The following METTL22 variants were observed in gnomAD, a reference collection of about 807,000 sequenced individuals.
METTL22 encodes methyltransferase-like protein 22.
In METTL22, 51 loss-of-function variants were observed where a neutral mutation model predicts 48.4. That is an observed-to-expected ratio of 1.05 (90% CI 0.84 to 1.33). The LOEUF (loss-of-function observed/expected upper bound fraction) is 1.33, where lower values mean the gene tolerates loss of function less well. Ranked by LOEUF, METTL22 falls within the 40% of genes most tolerant of loss-of-function variation. The pLI is 0.00. For synonymous variants in METTL22, 255 were observed against 214.1 expected, an observed-to-expected ratio of 1.19 and a Z score of -1.67; for missense variants, 678 against 526.9, an observed-to-expected ratio of 1.29 and a Z score of -2.81.
rs923118323 is a variant in METTL22, at chr16:8,646,631, C to T, written c.*488C>T. The T allele has an allele frequency of 6.5e-6, 3 of 459,144 alleles. No homozygotes were observed. The highest frequency in any genetic ancestry group is 1.5e-5 in the South Asian group (1 of 64,580). The allele number at this position is 459,144 out of a possible 1,614,324, so 28.4% of individuals were successfully genotyped here. On this transcript the variant is annotated 3_prime_UTR_variant, in exon 11 of 11. Coordinates refer to ENST00000381920, the MANE Select transcript of METTL22 (RefSeq NM_024109.4). ...CTCCACCCCATCACTCTGGTGAGGG[C>T]CCCATGAGAAGGAAGAGGCAGGAGC...
At chr16:8,664,408 A>G in the METTL22 span, among the ~76,000 whole-genome samples, 1 of 151,686 alleles carries the variant, frequency 6.6e-6, no homozygotes, top group South Asian at 2.1e-4. Context: ...AGCCTCCCAA[A>G]GTGTTGGGAT....
the METTL22 span, among the ~76,000 whole-genome samples, chr16:8,658,147 A>C: frequency 6.6e-6 from 1 of 152,212 alleles, no homozygotes; most frequent in Admixed American, 6.5e-5. Flanking sequence ...AAGGAGAGGG[A>C]GATTTGAGAA....
chr16:8,638,995 G>T, intron 5 of METTL22, 96 bp from the exon 6 acceptor site: 2 of 1,204,096 alleles, frequency 1.7e-6, no homozygotes, highest in South Asian at 1.2e-5. Context: ...AATTTCTGCA[G>T]TTGTGCTGTT....
intron 3 of METTL22, among the ~76,000 whole-genome samples, chr16:8,634,453 C>A (rs922495241): frequency 6.6e-6 from 1 of 152,000 alleles, no homozygotes; most frequent in Admixed American, 6.6e-5. Context: ...GAATTTGATC[C>A]TATTAGGGTA....
At chr16:8,642,922 G>A (rs2056668510) in intron 9 of METTL22, 1 of 248,452 alleles carries the variant, frequency 4.0e-6, no homozygotes, top group South Asian at 6.8e-5. Flanking sequence ...CTTCCTGAAT[G>A]TTCTCTCTGT....
Position 8,635,203 on chromosome 16 carries a change from C to G in METTL22, c.591C>G (p.Ile197Met). 1 of 1,611,312 alleles carries G rather than the reference C, an allele frequency of 6.2e-7. No homozygotes were observed. Among genetic ancestry groups the G allele is most frequent in the Non-Finnish European group, 8.5e-7 (1 of 1,178,494 alleles). The stretch of plus-strand genomic sequence containing the variant: ...GCGCCCTGCTCCTGGCAGACTACAT[C>G]CTGTTCCGACAGGACCTCTTCCGAG... ...WRGALLLADY[I>M]LFRQDLFRGC... Residue 197 changes from isoleucine (I) to methionine (M), a missense_variant, in exon 5 of 11, where the codon ATC (isoleucine) becomes ATG (methionine). Transcript: ENST00000381920.
intron 6 of METTL22, among the ~76,000 whole-genome samples, chr16:8,640,291 CCT>C (rs1339564579): frequency 4.1e-4 from 62 of 152,146 alleles, no homozygotes; most frequent in African/African-American, 1.5e-3. Context: ...GACATGAGTT[CCT>C]CTCTCTCCTC....
At chr16:8,661,623 C>A in the METTL22 span, among the ~76,000 whole-genome samples, 1 of 101,968 alleles carries the variant, frequency 9.8e-6, no homozygotes, top group Non-Finnish European at 1.8e-5. Context: ...CCAGCCTGGG[C>A]GACACAGCGA....
the METTL22 span, among the ~76,000 whole-genome samples, chr16:8,660,277 A>G: frequency 6.6e-6 from 1 of 152,084 alleles, no homozygotes; most frequent in Admixed American, 6.6e-5. Flanking sequence ...TCTGGATTCA[A>G]GCAATTCTCG....
intron 6 of METTL22, 31 bp downstream of exon 6, chr16:8,639,193 G>A (rs776203095): frequency 1.1e-5 from 17 of 1,611,190 alleles, no homozygotes; most frequent in Middle Eastern, 1.7e-4. Flanking sequence ...TGCCAGGGAG[G>A]GAGGTTTCTC....
intron 10 of METTL22, chr16:8,645,881 G>A (rs1226778659): frequency 3.8e-5 from 42 of 1,107,630 alleles, no homozygotes; most frequent in South Asian, 1.7e-4. Flanking sequence ...TGCACCTTCC[G>A]TTAATGCTGG....
At chr16:8,652,845 G>T (rs1052725341), downstream of METTL22, among the ~76,000 whole-genome samples, 1 of 152,104 alleles carries the variant, frequency 6.6e-6, no homozygotes, top group Non-Finnish European at 1.5e-5. Context: ...TTGGCTGTCG[G>T]CTGCAGCAGC....
downstream of METTL22, among the ~76,000 whole-genome samples, chr16:8,652,351 C>A (rs1313390081): frequency 6.6e-6 from 1 of 151,308 alleles, no homozygotes; most frequent in Non-Finnish European, 1.5e-5. Context: ...CCCAGCTACT[C>A]AGGAGGCTGA....
chr16:8,658,930 G>A, the METTL22 span, among the ~76,000 whole-genome samples: 1 of 151,934 alleles, frequency 6.6e-6, no homozygotes, highest in African/African-American at 2.4e-5. Flanking sequence ...TTGGCCATGT[G>A]CCTTAATGCA....
At chr16:8,623,776 A>C (rs1279066803) in intron 1 of METTL22, 1 of 152,194 alleles carries the variant, frequency 6.6e-6, no homozygotes, top group Non-Finnish European at 1.5e-5. Flanking sequence ...CCCCACAGCA[A>C]CCACTTAAAT....
chr16:8,663,150 G>A, the METTL22 span, among the ~76,000 whole-genome samples: 36 of 143,488 alleles, frequency 2.5e-4, no homozygotes, highest in Non-Finnish European at 4.8e-4. Context: ...AGGTTACAGT[G>A]AGCCAAGATT....
chr16:8,641,086 T>A (rs763470638), intron 6 of METTL22, 45 bp from the exon 7 acceptor site: 1 of 1,566,192 alleles, frequency 6.4e-7, no homozygotes, highest in Non-Finnish European at 8.8e-7. Context: ...TTTTTCCTGA[T>A]GATGTTTAGA....
chr16:8,634,285 C>A (rs536776196), intron 3 of METTL22, among the ~76,000 whole-genome samples: 1 of 152,150 alleles, frequency 6.6e-6, no homozygotes, highest in Non-Finnish European at 1.5e-5. Flanking sequence ...GAGCGATTGG[C>A]GATAGCTGTT....
chr16:8,628,241 T>C (rs1279352688), intron 2 of METTL22, among the ~76,000 whole-genome samples: 2 of 152,212 alleles, frequency 1.3e-5, no homozygotes, highest in East Asian at 3.8e-4. Flanking sequence ...AATCCTGCTT[T>C]GTACCCCCAG....
Sources: gnomAD v4.1 joint callset for allele counts (sites outside exome capture counted in the v4.1 genomes callset) on GRCh38, gnomAD v4.1.1 for gene constraint, MANE v1.5 for transcripts, NCBI Gene and HGNC (gene_info 2026-07-23, HGNC 2026-07-21) for gene names.